ADAM22: variants seen among roughly 807,000 people sequenced by gnomAD.
ADAM22 encodes the protein ADAM metallopeptidase domain 22.
ADAM22 carries 65 observed loss-of-function variants against 144.6 expected under a neutral mutation model. That is an observed-to-expected ratio of 0.45 (90% CI 0.37 to 0.55). ADAM22 has a LOEUF of 0.55. Ranked by LOEUF, ADAM22 falls within the 20% of genes least tolerant of loss-of-function variation. The pLI, the probability that ADAM22 is intolerant of heterozygous loss-of-function variation, is 0.00. For missense variants in ADAM22, 974 were observed against 1,184.9 expected (o/e 0.82, Z 2.61); for synonymous variants, 391 against 412.6 (o/e 0.95, Z 0.63).
At chr7:88,069,266 CCTT>C (rs1166070768) in intron 3 of ADAM22, among the ~76,000 whole-genome samples, 4 of 151,956 alleles carry the variant, frequency 2.6e-5, no homozygotes, top group Non-Finnish European at 5.9e-5. Flanking sequence ...TTCCTTCTCT[CCTT>C]CTCTCCTTCT....
chr7:87,935,242 C>T, intron 2 of ADAM22, 56 bp downstream of exon 2: 1 of 1,482,718 alleles, frequency 6.7e-7, no homozygotes, highest in East Asian at 2.4e-5. Context: ...ACCCGAGACC[C>T]CACGATTGCG....
intron 9 of ADAM22, among the ~76,000 whole-genome samples, 172 bp from the exon 10 acceptor site, chr7:88,130,216 T>C (rs1429060535): frequency 1.3e-5 from 2 of 152,098 alleles, no homozygotes; most frequent in Non-Finnish European, 2.9e-5. Context: ...GATAAAGAAC[T>C]TGATCTCAGC....
rs1263991023 is a variant in ADAM22, at chr7:88,197,761, T to C, written c.*1270T>C. ...TCCCAACAAGTCATTCTGCACTGAC[T>C]CTGAAGCAAGATGACGGAAGATTCT... On this transcript the variant is annotated 3_prime_UTR_variant, in exon 32 of 32. Transcript: ENST00000413139. 1 of 152,216 alleles carries C rather than the reference T, an allele frequency of 6.6e-6. No homozygotes were observed. The highest frequency in any genetic ancestry group is 1.5e-5 in the Non-Finnish European group (1 of 68,048). The allele number at this position is 152,216 out of a possible 1,614,324, so 9.4% of individuals were successfully genotyped here.
chr7:87,994,739 T>G (rs1449291887), intron 3 of ADAM22, among the ~76,000 whole-genome samples: 6 of 152,194 alleles, frequency 3.9e-5, no homozygotes, highest in African/African-American at 7.2e-5. Flanking sequence ...ATTTAAAGTG[T>G]GTAATCACAG....
At chr7:88,037,195 A>G (rs1408695050) in intron 3 of ADAM22, among the ~76,000 whole-genome samples, 1 of 152,160 alleles carries the variant, frequency 6.6e-6, no homozygotes, top group Non-Finnish European at 1.5e-5. Context: ...TTAGTAGATC[A>G]AAGGGTAGAT....
intron 29 of ADAM22, chr7:88,186,152 A>C: frequency 1.1e-5 from 2 of 188,026 alleles, no homozygotes; most frequent in Non-Finnish European, 2.2e-5. Context: ...TATTGGAAAG[A>C]GAACTTTGTT....
At chr7:88,176,974 A>G (rs1845830209) in intron 26 of ADAM22, among the ~76,000 whole-genome samples, 1 of 152,284 alleles carries the variant, frequency 6.6e-6, no homozygotes, top group East Asian at 1.9e-4. Flanking sequence ...CATGTTGGCC[A>G]GGCTAGTCTC....
At chr7:88,068,896 CAG>C (rs1241157410) in intron 3 of ADAM22, among the ~76,000 whole-genome samples, 2 of 151,988 alleles carry the variant, frequency 1.3e-5, no homozygotes, top group African/African-American at 4.8e-5. Context: ...CTGCAGATCT[CAG>C]ATGTTACGCA....
rs570989807 is a variant in ADAM22 at position 88,200,658 on chromosome 7, C to T, written c.*4167C>T. ...CTGCCACCTAAATACCTTTCCACTC[C>T]GTTAAATGTATGGAGTCAAGATAAA... is the stretch of plus-strand genomic sequence containing the variant. On this transcript the variant is annotated 3_prime_UTR_variant, in exon 32 of 32. Transcript: ENST00000413139. The T allele has an allele frequency of 5.7e-4, 87 of 152,266 alleles. No homozygotes were observed. The highest frequency in any genetic ancestry group is 2.0e-3 in the African/African-American group (84 of 41,544). The allele number at this position is 152,266 out of a possible 1,614,324, so 9.4% of individuals were successfully genotyped here. A position where few individuals can be genotyped will look rare whatever the true frequency, so the allele number is the denominator to read the frequency against.
chr7:87,999,806 T>C (rs1289740899), intron 3 of ADAM22, among the ~76,000 whole-genome samples: 2 of 152,132 alleles, frequency 1.3e-5, no homozygotes, highest in Non-Finnish European at 2.9e-5. Flanking sequence ...CTTGGATAAA[T>C]TCTTTATTAA....
intron 3 of ADAM22, among the ~76,000 whole-genome samples, chr7:88,053,591 G>A (rs4728727): frequency 0.15 from 16,783 of 112,802 alleles, 1,493 homozygotes; most frequent in East Asian, 0.39. Context: ...AAGGAAGGAA[G>A]GAAAGAAAGA....
intron 3 of ADAM22, among the ~76,000 whole-genome samples, chr7:88,048,347 A>T (rs1805253671): frequency 6.6e-6 from 1 of 152,040 alleles, no homozygotes; most frequent in African/African-American, 2.4e-5. Context: ...TTCTGGGCCA[A>T]TTATTTTCTT....
intron 2 of ADAM22, among the ~76,000 whole-genome samples, chr7:87,967,807 CAAAAA>C (rs35787636): frequency 4.9e-5 from 3 of 60,950 alleles, no homozygotes; most frequent in East Asian, 5.6e-4. Context: ...GACTCTGTCT[CAAAAA>C]AAAAAAAAAA....
intron 3 of ADAM22, among the ~76,000 whole-genome samples, chr7:87,992,289 T>A (rs1790091868): frequency 6.6e-6 from 1 of 152,100 alleles, no homozygotes; most frequent in South Asian, 2.1e-4. Flanking sequence ...TTATATGAAG[T>A]TCAGGGGGCT....
chr7:87,995,950 C>G (rs1008511070), intron 3 of ADAM22, among the ~76,000 whole-genome samples: 1 of 152,136 alleles, frequency 6.6e-6, no homozygotes, highest in East Asian at 1.9e-4. Flanking sequence ...ACATGTTTGG[C>G]CATTATGAAT....
intron 2 of ADAM22, among the ~76,000 whole-genome samples, chr7:87,960,724 A>G (rs1847838086): frequency 6.6e-6 from 1 of 152,164 alleles, no homozygotes; most frequent in Non-Finnish European, 1.5e-5. Context: ...CAAAGTTTAA[A>G]CTTGCCAGCT....
intron 3 of ADAM22, among the ~76,000 whole-genome samples, chr7:88,036,928 T>G (rs1389855423): frequency 1.3e-5 from 2 of 152,172 alleles, no homozygotes; most frequent in Non-Finnish European, 2.9e-5. Context: ...GTCATGTCAT[T>G]GTGATCATAC....
chr7:88,144,857 A>C (rs1268252031), intron 15 of ADAM22, among the ~76,000 whole-genome samples: 4 of 152,036 alleles, frequency 2.6e-5, no homozygotes, highest in African/African-American at 4.8e-5. Flanking sequence ...GATGACATTT[A>C]CCAGACCCTA....
intron 30 of ADAM22, among the ~76,000 whole-genome samples, chr7:88,188,464 T>C (rs1848851488): frequency 1.3e-5 from 2 of 152,210 alleles, no homozygotes; most frequent in Non-Finnish European, 2.9e-5. Flanking sequence ...TCTCTTCTAA[T>C]ATGAGATGTT....
Sources: gnomAD v4.1 joint callset for allele counts (sites outside exome capture counted in the v4.1 genomes callset) on GRCh38, gnomAD v4.1.1 for gene constraint, MANE v1.5 for transcripts, NCBI Gene and HGNC (gene_info 2026-07-23, HGNC 2026-07-21) for gene names.